KHDRBS2: variants seen among roughly 807,000 people sequenced by gnomAD.
KHDRBS2 encodes KH domain-containing, RNA-binding, signal transduction-associated protein 2.
KHDRBS2 carries 26 observed loss-of-function variants against 44.3 expected under a neutral mutation model. That is an observed-to-expected ratio of 0.59 (90% CI 0.43 to 0.81). KHDRBS2 has a LOEUF of 0.81. KHDRBS2 is among the 40% of genes least tolerant of loss of function. The probability of loss-of-function intolerance (pLI) is 0.00; values close to 1 mark genes in which losing one functional copy is unlikely to be tolerated. For missense variants in KHDRBS2, 476 were observed against 433.1 expected, an observed-to-expected ratio of 1.10 and a Z score of -0.88; for synonymous variants, 194 against 151.1, an observed-to-expected ratio of 1.28 and a Z score of -2.08.
the KHDRBS2 span, among the ~76,000 whole-genome samples, chr6:61,585,792 C>T: frequency 1.5e-4 from 23 of 152,002 alleles, no homozygotes; most frequent in Non-Finnish European, 1.0e-4. Context: ...AGGTTGATAC[C>T]AAGGGCTCAA....
chr6:62,268,088 A>G (rs745675016), intron 1 of KHDRBS2, among the ~76,000 whole-genome samples: 2 of 152,060 alleles, frequency 1.3e-5, no homozygotes, highest in Non-Finnish European at 2.9e-5. Context: ...ATAATTTTGT[A>G]TTGCTTGATA....
intron 2 of KHDRBS2, among the ~76,000 whole-genome samples, chr6:62,119,965 G>T (rs1444667243): frequency 6.6e-6 from 1 of 152,136 alleles, no homozygotes; most frequent in African/African-American, 2.4e-5. Context: ...CTCCCCAAAA[G>T]AACTGCTTGA....
intron 2 of KHDRBS2, among the ~76,000 whole-genome samples, chr6:62,103,669 T>C (rs1802443896): frequency 6.6e-6 from 1 of 151,464 alleles, no homozygotes. Context: ...GAATCACCTG[T>C]TCCTGGCTCC....
Position 62,276,589 on chromosome 6 carries a change from G to A in KHDRBS2, c.91+9269C>T, listed in dbSNP as rs559415439. Among the ~76,000 whole-genome samples, 287 of 152,208 alleles carry A rather than the reference G, an allele frequency of 1.9e-3. 1 individual carries two copies. The highest frequency in any genetic ancestry group is 1.6e-3 in the Non-Finnish European group (111 of 68,014). On this transcript the variant is annotated intron_variant, in intron 1 of 8. Coordinates refer to ENST00000281156, the MANE Select transcript of KHDRBS2 (RefSeq NM_152688.4). ...TGTAAGTCATTCAGAAAATGTAGTA[G>A]GCTGTCTTGATGATCCTTAATTCAA...
At chr6:62,104,893 G>C (rs1370995307) in intron 2 of KHDRBS2, among the ~76,000 whole-genome samples, 1 of 152,086 alleles carries the variant, frequency 6.6e-6, no homozygotes, top group African/African-American at 2.4e-5. Context: ...TAAGCCTTCT[G>C]TGAGACTTGT....
chr6:62,118,869 G>C (rs779585290), intron 2 of KHDRBS2, among the ~76,000 whole-genome samples: 5 of 152,188 alleles, frequency 3.3e-5, no homozygotes, highest in Non-Finnish European at 4.4e-5. Flanking sequence ...AGGCTGAACT[G>C]TCAGTTTCCC....
intron 2 of KHDRBS2, among the ~76,000 whole-genome samples, chr6:62,057,960 A>G (rs1288334073): frequency 6.6e-6 from 1 of 151,996 alleles, no homozygotes; most frequent in African/African-American, 2.4e-5. Context: ...GACATTTTTA[A>G]CATAGTTTAC....
chr6:62,226,808 C>T (rs1831920020), intron 1 of KHDRBS2, among the ~76,000 whole-genome samples: 1 of 151,838 alleles, frequency 6.6e-6, no homozygotes. Flanking sequence ...TGTTTTTTTC[C>T]AGTTTGTCAA....
At chr6:61,866,764 C>T (rs1305968367) in intron 6 of KHDRBS2, among the ~76,000 whole-genome samples, 2 of 152,218 alleles carry the variant, frequency 1.3e-5, no homozygotes, top group Non-Finnish European at 2.9e-5. Context: ...CCTAAATCAT[C>T]TCTCTCAAGT....
chr6:61,585,955 G>T, the KHDRBS2 span, among the ~76,000 whole-genome samples: 1 of 152,118 alleles, frequency 6.6e-6, no homozygotes, highest in Admixed American at 6.6e-5. Context: ...GAATGAGAAA[G>T]CATGATAATC....
intron 7 of KHDRBS2, among the ~76,000 whole-genome samples, chr6:61,723,208 G>T (rs1426654667): frequency 6.6e-6 from 1 of 151,480 alleles, no homozygotes; most frequent in African/African-American, 2.4e-5. Context: ...TCAACAAAAA[G>T]AACCCACAAA....
chr6:61,827,171 A>T (rs1342503884), intron 6 of KHDRBS2, among the ~76,000 whole-genome samples: 1 of 152,202 alleles, frequency 6.6e-6, no homozygotes, highest in East Asian at 1.9e-4. Flanking sequence ...AATAAACATC[A>T]TTAGGTCATT....
At chr6:62,077,314 C>T (rs1161822194) in intron 2 of KHDRBS2, among the ~76,000 whole-genome samples, 1 of 151,928 alleles carries the variant, frequency 6.6e-6, no homozygotes, top group Non-Finnish European at 1.5e-5. Flanking sequence ...TATGAAATTG[C>T]CTGCCAGGCC....
At chr6:61,908,558 C>T (rs750674563) in intron 4 of KHDRBS2, among the ~76,000 whole-genome samples, 14 of 150,418 alleles carry the variant, frequency 9.3e-5, no homozygotes, top group Admixed American at 2.7e-4. Flanking sequence ...GGCATGAACC[C>T]GGCAGGCGGA....
At position 62,240,704 on chromosome 6, in the gene KHDRBS2, A is replaced by G. The variant is rs1281492238; in HGVS notation, c.91+45154T>C. ...TATATATATATATATATATATATATATATATATATATATAAACATGAGTTC... is the reference window on the plus strand; with the variant it reads ...TATATATATATATATATATATATATGTATATATATATATAAACATGAGTTC... On this transcript the variant is annotated intron_variant, in intron 1 of 8. Transcript: ENST00000281156. Among the ~76,000 whole-genome samples, 14 of 136,780 alleles carry G rather than the reference A, an allele frequency of 1.0e-4. No homozygotes were observed. In the East Asian group the frequency reaches 1.9e-3, roughly 19 times the overall value. The allele number at this position is 136,780 out of a possible 152,430, so 89.7% of individuals were successfully genotyped here.
At chr6:62,207,062 G>A (rs1229131703) in intron 1 of KHDRBS2, among the ~76,000 whole-genome samples, 1 of 152,094 alleles carries the variant, frequency 6.6e-6, no homozygotes, top group South Asian at 2.1e-4. Context: ...AATCCTGTAA[G>A]ACTTTAATTT....
At chr6:62,097,626 G>T (rs1334375501) in intron 2 of KHDRBS2, among the ~76,000 whole-genome samples, 1 of 151,984 alleles carries the variant, frequency 6.6e-6, no homozygotes, top group East Asian at 1.9e-4. Context: ...CCTTACAGGT[G>T]AGGTGAGTTT....
chr6:62,213,386 C>T (rs150869377), intron 1 of KHDRBS2, among the ~76,000 whole-genome samples: 5 of 151,952 alleles, frequency 3.3e-5, no homozygotes, highest in African/African-American at 4.8e-5. Context: ...CTGTGGATCC[C>T]CACCTCTTTT....
chr6:61,663,500 C>CATATATATATATAT, the KHDRBS2 span, among the ~76,000 whole-genome samples: 771 of 35,960 alleles, frequency 0.021, 198 homozygotes, highest in East Asian at 0.027. Flanking sequence ...CATGAGACAC[C>CATATATATATATAT]ATATATATAT....
Sources: gnomAD v4.1 joint callset for allele counts (sites outside exome capture counted in the v4.1 genomes callset) on GRCh38, gnomAD v4.1.1 for gene constraint, MANE v1.5 for transcripts, NCBI Gene and HGNC (gene_info 2026-07-23, HGNC 2026-07-21) for gene names.